The following PARD3 variants were observed in gnomAD, a reference collection of about 807,000 sequenced individuals.
PARD3 encodes the protein partitioning defective 3 homolog.
A neutral mutation model predicts 155.4 loss-of-function variants in PARD3; 75 were observed. That is an observed-to-expected ratio of 0.48 (90% CI 0.40 to 0.58). PARD3 has a LOEUF of 0.58. PARD3 is among the 20% of genes least tolerant of loss of function. PARD3 has a pLI of 0.00. For missense variants in PARD3, 1,642 were observed against 1,721.7 expected (o/e 0.95, Z 0.82); for synonymous variants, 576 against 610.5 (o/e 0.94, Z 0.83).
chr10:34,285,575 CAAAAAAAAAAAA>C (rs1177513637), intron 20 of PARD3, among the ~76,000 whole-genome samples: 1 of 130,976 alleles, frequency 7.6e-6, no homozygotes, highest in Non-Finnish European at 1.7e-5. Flanking sequence ...GACCTTATTT[CAAAAAAAAAAAA>C]GAAAGAAAGA....
At chr10:34,528,293 G>T (rs1197804325) in intron 2 of PARD3, among the ~76,000 whole-genome samples, 1 of 152,132 alleles carries the variant, frequency 6.6e-6, no homozygotes, top group Non-Finnish European at 1.5e-5. Flanking sequence ...CTATTCTAAG[G>T]AAAGCCAAAC....
At chr10:34,654,362 G>A (rs555404047) in intron 2 of PARD3, among the ~76,000 whole-genome samples, 12 of 152,230 alleles carry the variant, frequency 7.9e-5, no homozygotes, top group Admixed American at 6.5e-5. Context: ...TTTTACAGAC[G>A]TGCTAAAAGG....
intron 5 of PARD3, among the ~76,000 whole-genome samples, chr10:34,426,153 T>A (rs966909831): frequency 4.6e-5 from 7 of 152,212 alleles, no homozygotes; most frequent in Non-Finnish European, 1.0e-4. Flanking sequence ...GGTTTTTAAA[T>A]TGTATCTCTA....
At chr10:34,207,327 G>A (rs577225168) in intron 22 of PARD3, among the ~76,000 whole-genome samples, 1 of 152,320 alleles carries the variant, frequency 6.6e-6, no homozygotes, top group South Asian at 2.1e-4. Flanking sequence ...AGCAGCAAGT[G>A]TTTTCAATAA....
chr10:34,326,589 G>A (rs1365217383), intron 19 of PARD3, among the ~76,000 whole-genome samples: 1 of 152,144 alleles, frequency 6.6e-6, no homozygotes, highest in Admixed American at 6.5e-5. Context: ...GCTGAAATAG[G>A]TGGTGATGAA....
At chr10:34,561,312 G>C (rs1215248533) in intron 2 of PARD3, among the ~76,000 whole-genome samples, 1 of 152,072 alleles carries the variant, frequency 6.6e-6, no homozygotes, top group Non-Finnish European at 1.5e-5. Flanking sequence ...GAAATGATGG[G>C]AATCTTATCT....
chr10:34,605,436 G>A (rs898539813), intron 2 of PARD3, among the ~76,000 whole-genome samples: 10 of 146,036 alleles, frequency 6.8e-5, no homozygotes, highest in African/African-American at 1.8e-4. Context: ...CTCATGATCC[G>A]CCCACCTCGG....
rs373473861 is a variant in PARD3, at chr10:34,450,381, T to C, written c.650A>G (p.Asn217Ser). The C allele has an allele frequency of 1.4e-5, 23 of 1,613,768 alleles. No homozygotes were observed. The highest frequency in any genetic ancestry group is 8.9e-5 in the East Asian group (4 of 44,874). Residue 217 changes from asparagine to serine, a missense_variant, in exon 5 of 25, where the codon AAT (asparagine) becomes AGT (serine). This residue lies in a region of PARD3 where 1,529 missense variants were observed against 1,587.3 expected (regional missense o/e 0.96). Transcript: ENST00000374788. Reference protein sequence around the residue: ...SNWSNQFQRDNARSSLSASHP... With the variant: ...SNWSNQFQRDSARSSLSASHP... ...ACTGGCACTCAGAGACGAGCGAGCA[T>C]TGTCTCTCTGAAATTGGTTAGACCA...
chr10:34,643,693 A>G (rs924289247), intron 2 of PARD3, among the ~76,000 whole-genome samples: 7 of 152,316 alleles, frequency 4.6e-5, no homozygotes, highest in African/African-American at 1.7e-4. Context: ...ACTGGGGAGG[A>G]TCACCTGAGA....
At chr10:34,300,234 C>T (rs921420830) in intron 20 of PARD3, among the ~76,000 whole-genome samples, 3 of 152,056 alleles carry the variant, frequency 2.0e-5, no homozygotes, top group East Asian at 1.9e-4. Flanking sequence ...GAAGCATTCA[C>T]GAATCTTGGA....
intron 22 of PARD3, among the ~76,000 whole-genome samples, chr10:34,142,987 G>T (rs1948273846): frequency 6.6e-6 from 1 of 152,120 alleles, no homozygotes; most frequent in South Asian, 2.1e-4. Context: ...GAAAAATCTT[G>T]ACAAACTAAA....
intron 2 of PARD3, among the ~76,000 whole-genome samples, chr10:34,677,858 T>C (rs2093737822): frequency 6.6e-6 from 1 of 152,040 alleles, no homozygotes; most frequent in South Asian, 2.1e-4. Context: ...AAAAGCACAT[T>C]TTATGTGCAG....
intron 22 of PARD3, among the ~76,000 whole-genome samples, chr10:34,228,143 G>A (rs931859629): frequency 9.9e-5 from 15 of 151,656 alleles, no homozygotes; most frequent in Non-Finnish European, 2.2e-4. Flanking sequence ...ATTATCCTAA[G>A]GAAATGAATG....
At chr10:34,595,772 C>CT (rs1467879805) in intron 2 of PARD3, among the ~76,000 whole-genome samples, 1 of 152,118 alleles carries the variant, frequency 6.6e-6, no homozygotes, top group Non-Finnish European at 1.5e-5. Context: ...AAAAAACACT[C>CT]TGTCACAGTT....
intron 20 of PARD3, among the ~76,000 whole-genome samples, chr10:34,313,462 G>T (rs911469873): frequency 2.6e-5 from 4 of 152,158 alleles, no homozygotes; most frequent in Admixed American, 1.3e-4. Flanking sequence ...CATTAAGGCG[G>T]CTTTTGTAGT....
intron 1 of PARD3, among the ~76,000 whole-genome samples, chr10:34,757,493 C>T (rs1336524401): frequency 6.6e-6 from 1 of 152,040 alleles, no homozygotes; most frequent in Admixed American, 6.6e-5. Flanking sequence ...TCACTTGAGG[C>T]CAGGAGTTCG....
Position 34,203,026 on chromosome 10 carries a change from C to T in PARD3, c.3419+66631G>A, listed in dbSNP as rs1951292948. Among the ~76,000 whole-genome samples, 9 of 152,076 alleles carry T rather than the reference C, an allele frequency of 5.9e-5. No homozygotes were observed. The South Asian group carries it at 1.9e-3, about 32-fold the overall frequency. On this transcript the variant is annotated intron_variant, in intron 22 of 24. Transcript: ENST00000374788. ...AACACAACCAAATGGGCACAGTTAC[C>T]TTTTGCTAACACCCCCACTCCAGCA... is the stretch of plus-strand genomic sequence containing the variant.
chr10:34,670,082 CTT>C (rs1399780246), intron 2 of PARD3, among the ~76,000 whole-genome samples: 1 of 152,180 alleles, frequency 6.6e-6, no homozygotes, highest in Admixed American at 6.5e-5. Context: ...TGTATATTGA[CTT>C]TTTAATTTTG....
chr10:34,401,968 T>C (rs776474768), intron 5 of PARD3, 51 bp from the exon 6 acceptor site: 2 of 1,409,420 alleles, frequency 1.4e-6, no homozygotes, highest in Middle Eastern at 1.8e-4. Flanking sequence ...GGTTTCTTGC[T>C]ACAATGTGAA....
Sources: gnomAD v4.1 joint callset for allele counts (sites outside exome capture counted in the v4.1 genomes callset) on GRCh38, gnomAD v4.1.1 for gene constraint, gnomAD v4.1.1 regional missense constraint, MANE v1.5 for transcripts, NCBI Gene and HGNC (gene_info 2026-07-23, HGNC 2026-07-21) for gene names.